The following GRAMD1B variants were observed in gnomAD, a reference collection of about 807,000 sequenced individuals.
GRAMD1B encodes the protein GRAM domain containing 1B.
Under a neutral mutation model 99.7 loss-of-function variants are expected in GRAMD1B, and 37 were observed. The observed-to-expected ratio is 0.37, with a 90% confidence interval of 0.29 to 0.49. The LOEUF (loss-of-function observed/expected upper bound fraction) is 0.49. Ranked by LOEUF, GRAMD1B falls within the 20% of genes least tolerant of loss-of-function variation. GRAMD1B has a pLI of 0.98. For missense variants in GRAMD1B, 888 were observed against 1,009.2 expected, an observed-to-expected ratio of 0.88 and a Z score of 1.63; for synonymous variants, 427 against 387.6, an observed-to-expected ratio of 1.10 and a Z score of -1.19.
chr11:123,571,207 T>C (rs1948037285), intron 2 of GRAMD1B, among the ~76,000 whole-genome samples: 1 of 152,234 alleles, frequency 6.6e-6, no homozygotes, highest in Admixed American at 6.5e-5. Flanking sequence ...TACTCAGGAT[T>C]CTGAAAAATG....
chr11:123,541,841 C>CT (rs990547091), intron 2 of GRAMD1B, among the ~76,000 whole-genome samples: 118 of 151,532 alleles, frequency 7.8e-4, no homozygotes, highest in African/African-American at 2.8e-3. Flanking sequence ...TTTTTGAGTC[C>CT]TTCTGTGATT....
Position 123,558,882 on chromosome 11 carries a change from G to A in GRAMD1B, c.453-18485G>A, listed in dbSNP as rs112618811. Among the ~76,000 whole-genome samples the A allele has an allele frequency of 3.4e-3, 519 of 152,356 alleles. 3 individuals carry two copies. Among genetic ancestry groups the A allele is most frequent in the Middle Eastern group, 0.014 (4 of 294 alleles). ...TGGAAAGACTTTTCATGATGAGCCTGCAGGGGCTGGCCCTCCCAGAATGAG... is the reference window on the plus strand; with the variant it reads ...TGGAAAGACTTTTCATGATGAGCCTACAGGGGCTGGCCCTCCCAGAATGAG... On this transcript the variant is annotated intron_variant, in intron 2 of 19. Transcript: ENST00000635736.
At chr11:123,516,983 G>A (rs139805509) in intron 2 of GRAMD1B, among the ~76,000 whole-genome samples, 2,203 of 152,242 alleles carry the variant, frequency 0.014, 75 homozygotes, top group African/African-American at 0.05. Flanking sequence ...GCAATGGCAC[G>A]ATCTTGGCTC....
At chr11:123,390,435 C>G (rs1250795422) in intron 1 of GRAMD1B, among the ~76,000 whole-genome samples, 1 of 152,194 alleles carries the variant, frequency 6.6e-6, no homozygotes, top group Non-Finnish European at 1.5e-5. Context: ...CTCCTCATAA[C>G]CTCCCAATCT....
At chr11:123,612,167 GCCTCAACCTCCA>G (rs550867935) in intron 14 of GRAMD1B, among the ~76,000 whole-genome samples, 64 of 152,080 alleles carry the variant, frequency 4.2e-4, no homozygotes, top group African/African-American at 1.4e-3. Context: ...GCTCACTGCA[GCCTCAACCTCCA>G]CCTCAACCTC....
intron 2 of GRAMD1B, among the ~76,000 whole-genome samples, chr11:123,561,287 G>C (rs923615853): frequency 6.6e-6 from 1 of 152,176 alleles, no homozygotes; most frequent in Non-Finnish European, 1.5e-5. Flanking sequence ...CAGTGCCTCC[G>C]GCGGGGGTAG....
chr11:123,467,841 C>CCCTTCCTTCCTTCCTT (rs555769504), intron 1 of GRAMD1B, among the ~76,000 whole-genome samples: 2 of 109,262 alleles, frequency 1.8e-5, no homozygotes, highest in South Asian at 4.2e-4. Flanking sequence ...CTCCCTCCCT[C>CCCTTCCTTCCTTCCTT]CCTTCCTTCC....
chr11:123,492,198 G>T lies in GRAMD1B; in HGVS notation c.452+11305G>T, dbSNP rs1938628855. On this transcript the variant is annotated intron_variant, in intron 2 of 19. Coordinates refer to ENST00000635736, the MANE Select transcript of GRAMD1B (RefSeq NM_001387025.1). The surrounding 1 kb of genome is among the most constrained non-coding windows in gnomAD (Gnocchi z 4.2). Reference sequence around the variant, plus strand: ...GGGTCCTTCTTCATAACTGGCCAGGGACCATTACTTTTCTCCTTTATGATA... The same window carrying T: ...GGGTCCTTCTTCATAACTGGCCAGGTACCATTACTTTTCTCCTTTATGATA... Among the ~76,000 whole-genome samples the T allele has an allele frequency of 6.6e-6, 1 of 152,122 alleles. No individual in the cohort carries two copies. The highest frequency in any genetic ancestry group is 1.5e-5 in the Non-Finnish European group (1 of 68,016).
intron 2 of GRAMD1B, among the ~76,000 whole-genome samples, chr11:123,562,761 TG>T (rs1268248288): frequency 6.6e-6 from 1 of 152,128 alleles, no homozygotes; most frequent in African/African-American, 2.4e-5. Context: ...TTTGTCTCAT[TG>T]GGGGAAGTGG....
intron 1 of GRAMD1B, among the ~76,000 whole-genome samples, chr11:123,409,902 T>C (rs1947981215): frequency 6.6e-6 from 1 of 152,196 alleles, no homozygotes; most frequent in East Asian, 1.9e-4. Flanking sequence ...GCCTCACGCT[T>C]TCCTTTAGTG....
chr11:123,374,780 T>G (rs1240295344), intron 1 of GRAMD1B, among the ~76,000 whole-genome samples: 4 of 152,228 alleles, frequency 2.6e-5, no homozygotes, highest in African/African-American at 9.6e-5. Flanking sequence ...ATCCTAGGAA[T>G]GAGCTATATT....
Position 123,610,410 on chromosome 11 carries a change from C to T in GRAMD1B, c.1919+72C>T, listed in dbSNP as rs1362262307. On this transcript the variant is annotated intron_variant, in intron 14 of 19. Coordinates refer to ENST00000635736, the MANE Select transcript of GRAMD1B (RefSeq NM_001387025.1). The surrounding 1 kb of genome is among the most constrained non-coding windows in gnomAD (Gnocchi z 4.1). The stretch of plus-strand genomic sequence containing the variant: ...TTAGAGAACATTCATTTGCTCCTGA[C>T]GGGGAAGGAGGAGGTGGGGAGTGCT... 23 of 1,485,608 alleles carry T rather than the reference C, an allele frequency of 1.5e-5. No homozygotes were observed. The highest frequency in any genetic ancestry group is 4.1e-4 in the Middle Eastern group (2 of 4,864). The allele number at this position is 1,485,608 out of a possible 1,614,324, so 92.0% of individuals were successfully genotyped here.
At chr11:123,409,553 G>A (rs1364635433) in intron 1 of GRAMD1B, among the ~76,000 whole-genome samples, 9 of 152,086 alleles carry the variant, frequency 5.9e-5, no homozygotes, top group Admixed American at 1.3e-4. Flanking sequence ...TTCTGAGAAC[G>A]AGACTGCAAT....
At chr11:123,555,230 A>G (rs1241002450) in intron 2 of GRAMD1B, among the ~76,000 whole-genome samples, 1 of 152,220 alleles carries the variant, frequency 6.6e-6, no homozygotes, top group East Asian at 1.9e-4. Flanking sequence ...CTGAGTAGGA[A>G]CAACGGAACT....
intron 5 of GRAMD1B, 23 bp from the exon 6 acceptor site, chr11:123,594,712 C>A: frequency 7.9e-7 from 1 of 1,272,008 alleles, no homozygotes; most frequent in African/African-American, 1.5e-5. Flanking sequence ...CTCTGAGCTC[C>A]CCTACCTCCG....
intron 2 of GRAMD1B, among the ~76,000 whole-genome samples, chr11:123,485,076 C>T (rs745685968): frequency 6.6e-6 from 1 of 152,096 alleles, no homozygotes; most frequent in Non-Finnish European, 1.5e-5. Context: ...TTCGTAATGC[C>T]CCTGGGTGGC....
At chr11:123,475,043 A>G (rs532647813) in intron 1 of GRAMD1B, among the ~76,000 whole-genome samples, 29 of 152,258 alleles carry the variant, frequency 1.9e-4, no homozygotes, top group African/African-American at 7.0e-4. Flanking sequence ...CCTAGGAAGC[A>G]CCTACTCAGT....
intron 1 of GRAMD1B, among the ~76,000 whole-genome samples, chr11:123,364,577 A>G (rs924858969): frequency 1.3e-5 from 2 of 152,238 alleles, no homozygotes; most frequent in Non-Finnish European, 2.9e-5. Context: ...TTTGAAGCGA[A>G]GGAATGTTTT....
intron 1 of GRAMD1B, among the ~76,000 whole-genome samples, chr11:123,478,743 C>T (rs1219383974): frequency 6.6e-6 from 1 of 152,152 alleles, no homozygotes; most frequent in African/African-American, 2.4e-5. Flanking sequence ...CCTGGCTCAG[C>T]GGGGTCAAGT....
Sources: gnomAD v4.1 joint callset for allele counts (sites outside exome capture counted in the v4.1 genomes callset) on GRCh38, gnomAD v4.1.1 for gene constraint, Gnocchi (gnomAD v3.1) non-coding constraint, MANE v1.5 for transcripts, NCBI Gene and HGNC (gene_info 2026-07-23, HGNC 2026-07-21) for gene names.